The following NALCN variants were observed in gnomAD, a reference collection of about 807,000 sequenced individuals.
NALCN encodes the protein sodium leak channel, non-selective, also known as sodium leak channel NALCN.
In NALCN, 111 loss-of-function variants were observed where a neutral mutation model predicts 225.3. The ratio of observed to expected loss-of-function variants is 0.49; its 90% CI spans 0.42 to 0.58. The LOEUF (loss-of-function observed/expected upper bound fraction) is 0.58, where lower values mean the gene tolerates loss of function less well. Among genes scored for constraint, NALCN ranks in the 20% least tolerant of loss-of-function variants. The pLI is 0.00. For synonymous variants in NALCN, 764 were observed against 769.0 expected (o/e 0.99, Z 0.11); for missense variants, 1,378 against 2,202.4 (o/e 0.63, Z 7.49).
At chr13:101,349,460 A>C (rs2045842234) in intron 6 of NALCN, among the ~76,000 whole-genome samples, 1 of 152,184 alleles carries the variant, frequency 6.6e-6, no homozygotes, top group Non-Finnish European at 1.5e-5. Flanking sequence ...TTAAGGCTAA[A>C]GACATTAAAT....
chr13:101,125,483 T>G (rs781465562), intron 17 of NALCN, among the ~76,000 whole-genome samples: 6 of 152,180 alleles, frequency 3.9e-5, no homozygotes, highest in Non-Finnish European at 5.9e-5. Flanking sequence ...ATAGATTAGA[T>G]TTACTGAGCA....
chr13:101,233,124 A>G (rs1457576132), intron 12 of NALCN, among the ~76,000 whole-genome samples: 1 of 152,114 alleles, frequency 6.6e-6, no homozygotes, highest in Non-Finnish European at 1.5e-5. Context: ...TATCTACCCT[A>G]TAAAGATTTT....
intron 12 of NALCN, among the ~76,000 whole-genome samples, chr13:101,232,046 C>T (rs538322691): frequency 2.7e-5 from 4 of 148,758 alleles, no homozygotes; most frequent in Non-Finnish European, 4.4e-5. Context: ...AAGAGTCACA[C>T]AAACTCTTAC....
chr13:101,072,364 G>A (rs1027801795), intron 37 of NALCN, among the ~76,000 whole-genome samples: 1 of 152,218 alleles, frequency 6.6e-6, no homozygotes, highest in African/African-American at 2.4e-5. Flanking sequence ...TGTGTGAGGA[G>A]TAAGCCCCAT....
chr13:101,128,244 C>T (rs575656601), intron 17 of NALCN, among the ~76,000 whole-genome samples: 2 of 152,316 alleles, frequency 1.3e-5, no homozygotes, highest in African/African-American at 4.8e-5. Context: ...GATAACAATT[C>T]TTTGACAGAA....
chr13:101,348,228 T>C (rs1384798555), intron 6 of NALCN, among the ~76,000 whole-genome samples: 1 of 152,220 alleles, frequency 6.6e-6, no homozygotes, highest in Non-Finnish European at 1.5e-5. Flanking sequence ...CCAATCTTCT[T>C]GGCTGTGAGT....
chr13:101,213,218 T>C (rs1312201337), intron 13 of NALCN, among the ~76,000 whole-genome samples: 3 of 152,102 alleles, frequency 2.0e-5, no homozygotes, highest in Admixed American at 6.6e-5. Flanking sequence ...ATTTAATAAA[T>C]GGTGCTGGGA....
chr13:101,264,428 G>A (rs2042531500), intron 10 of NALCN, among the ~76,000 whole-genome samples: 1 of 151,944 alleles, frequency 6.6e-6, no homozygotes, highest in African/African-American at 2.4e-5. Flanking sequence ...AATACAAAGA[G>A]TCTATACTAG....
chr13:101,221,883 C>T (rs763605718), intron 13 of NALCN, among the ~76,000 whole-genome samples: 8 of 152,198 alleles, frequency 5.3e-5, no homozygotes, highest in Middle Eastern at 3.4e-3. Context: ...GGGATATTTC[C>T]GATTATGGGT....
At chr13:101,235,032 T>C (rs1931086) in intron 12 of NALCN, among the ~76,000 whole-genome samples, 33,130 of 151,606 alleles carry the variant, frequency 0.22, 3,733 homozygotes, top group East Asian at 0.36. Flanking sequence ...GTCATTTTTT[T>C]CCATTTTATA....
intron 3 of NALCN, among the ~76,000 whole-genome samples, chr13:101,387,189 CCG>C (rs2047014996): frequency 1.4e-5 from 2 of 143,354 alleles, no homozygotes; most frequent in African/African-American, 2.7e-5. Flanking sequence ...CCACTGCAGT[CCG>C]CAGTCCGGCC....
chr13:101,407,317 T>C (rs546981304), intron 1 of NALCN, among the ~76,000 whole-genome samples: 4 of 152,362 alleles, frequency 2.6e-5, no homozygotes, highest in Non-Finnish European at 5.9e-5. Context: ...TCAGAGGGAA[T>C]GACTACACAT....
intron 1 of NALCN, among the ~76,000 whole-genome samples, chr13:101,411,070 AC>A (rs1162390932): frequency 5.9e-5 from 9 of 152,126 alleles, no homozygotes; most frequent in African/African-American, 2.2e-4. Context: ...ATTCTAATTT[AC>A]CTTAAATATA....
chr13:101,080,323 G>C (rs1186688247), intron 34 of NALCN, among the ~76,000 whole-genome samples: 8 of 151,966 alleles, frequency 5.3e-5, no homozygotes. Context: ...TTTAAATGAA[G>C]ATATGCTGTA....
At chr13:101,168,132 T>C (rs1279430554) in intron 15 of NALCN, among the ~76,000 whole-genome samples, 1 of 152,152 alleles carries the variant, frequency 6.6e-6, no homozygotes. Flanking sequence ...TAGGCTTTCC[T>C]CTTACCTCTT....
intron 20 of NALCN, 128 bp downstream of exon 20, chr13:101,110,491 C>T: frequency 1.1e-6 from 1 of 948,552 alleles, no homozygotes; most frequent in Non-Finnish European, 1.6e-6. Flanking sequence ...TTTCCTGATT[C>T]CCTCTGGTAT....
intron 10 of NALCN, among the ~76,000 whole-genome samples, chr13:101,274,262 C>A (rs867241932): frequency 2.8e-5 from 1 of 35,830 alleles, no homozygotes; most frequent in Non-Finnish European, 5.1e-5. Context: ...GCAAAACAAT[C>A]AAGCTCAATG....
rs2032621662 is a variant in NALCN, at chr13:101,068,740, AACAGAAAT to A, written c.4277_4284del (p.Tyr1426PhefsTer29). On this transcript the variant is annotated frameshift_variant, in exon 38 of 44. Coordinates refer to ENST00000251127, the MANE Select transcript of NALCN (RefSeq NM_052867.4). LOFTEE classifies it high-confidence loss of function. ...ATGTAGGCAATGATGACATAAAATG[AACAGAAAT>A]ACATAAGTGCCCCAGCATAATTTCC... The A allele has an allele frequency of 6.2e-7, 1 of 1,612,056 alleles. No homozygotes were observed. The highest frequency in any genetic ancestry group is 8.5e-7 in the Non-Finnish European group (1 of 1,179,234).
intron 7 of NALCN, among the ~76,000 whole-genome samples, chr13:101,317,581 T>C (rs189511878): frequency 2.6e-5 from 4 of 152,312 alleles, no homozygotes; most frequent in Admixed American, 2.6e-4. Context: ...ATCTGGTCAA[T>C]TGCATCTTCT....
Sources: allele counts gnomAD v4.1 joint callset (sites outside exome capture counted in the v4.1 genomes callset), GRCh38; gene constraint gnomAD v4.1.1; transcripts MANE v1.5; gene names NCBI Gene and HGNC (gene_info 2026-07-23, HGNC 2026-07-21).